PLXDC2: variants seen among roughly 807,000 people sequenced by gnomAD.
PLXDC2 encodes plexin domain containing 2.
In PLXDC2, 40 loss-of-function variants were observed where a neutral mutation model predicts 68.9. The ratio of observed to expected loss-of-function variants is 0.58; its 90% CI spans 0.45 to 0.76. The LOEUF (loss-of-function observed/expected upper bound fraction) is 0.76. PLXDC2 is among the 30% of genes least tolerant of loss of function. The pLI is 0.00. For synonymous variants in PLXDC2, 243 were observed against 234.2 expected, an observed-to-expected ratio of 1.04 and a Z score of -0.34; for missense variants, 644 against 661.9, an observed-to-expected ratio of 0.97 and a Z score of 0.30.
chr10:19,892,292 G>T (rs1027093680), intron 1 of PLXDC2, among the ~76,000 whole-genome samples: 1 of 152,134 alleles, frequency 6.6e-6, no homozygotes, highest in African/African-American at 2.4e-5. Flanking sequence ...AATGTCTGTG[G>T]CATGGTGGAC....
intron 1 of PLXDC2, among the ~76,000 whole-genome samples, chr10:19,818,675 A>G (rs1213989939): frequency 6.6e-6 from 1 of 152,126 alleles, no homozygotes; most frequent in African/African-American, 2.4e-5. Flanking sequence ...ACTGTGTATG[A>G]TTTATGACAG....
intron 1 of PLXDC2, among the ~76,000 whole-genome samples, chr10:19,828,359 T>G (rs905931074): frequency 9.2e-5 from 14 of 152,154 alleles, no homozygotes; most frequent in African/African-American, 3.4e-4. Flanking sequence ...ACAATAGAAT[T>G]TATTATTTTA....
At chr10:20,216,908 A>G (rs1209590855) in intron 10 of PLXDC2, among the ~76,000 whole-genome samples, 2 of 152,136 alleles carry the variant, frequency 1.3e-5, no homozygotes, top group East Asian at 3.8e-4. Context: ...TCATAAAGGA[A>G]AACAAAATTT....
chr10:19,864,377 C>CCT (rs1837375982), intron 1 of PLXDC2, among the ~76,000 whole-genome samples: 2 of 152,126 alleles, frequency 1.3e-5, no homozygotes. Flanking sequence ...CTAAAATAGG[C>CCT]ATCTATCTGG....
At chr10:19,857,177 A>G (rs1337573342) in intron 1 of PLXDC2, among the ~76,000 whole-genome samples, 1 of 152,224 alleles carries the variant, frequency 6.6e-6, no homozygotes, top group African/African-American at 2.4e-5. Context: ...CTAGCAAGTT[A>G]CAGAGCTAGT....
At chr10:20,246,466 C>T (rs999507149) in intron 13 of PLXDC2, among the ~76,000 whole-genome samples, 5 of 152,346 alleles carry the variant, frequency 3.3e-5, no homozygotes, top group Admixed American at 2.0e-4. Flanking sequence ...TTTTGTGCAT[C>T]AGCCTCCTGA....
At chr10:20,208,306 A>C (rs1835020250) in intron 9 of PLXDC2, among the ~76,000 whole-genome samples, 1 of 152,298 alleles carries the variant, frequency 6.6e-6, no homozygotes, top group Admixed American at 6.5e-5. Context: ...CAAAAGACAC[A>C]TCTTACATGG....
intron 1 of PLXDC2, among the ~76,000 whole-genome samples, chr10:19,840,114 C>G (rs1017999364): frequency 1.3e-5 from 2 of 152,108 alleles, no homozygotes; most frequent in Admixed American, 1.3e-4. Flanking sequence ...TTTTTCTTCA[C>G]TAAAATCTAT....
At chr10:19,942,587 A>G (rs1360531912) in intron 1 of PLXDC2, among the ~76,000 whole-genome samples, 1 of 152,120 alleles carries the variant, frequency 6.6e-6, no homozygotes, top group African/African-American at 2.4e-5. Context: ...ACACGGTGAA[A>G]CCCGTCTCGA....
chr10:20,232,714 A>G (rs1835381432), intron 12 of PLXDC2, among the ~76,000 whole-genome samples: 1 of 152,196 alleles, frequency 6.6e-6, no homozygotes, highest in African/African-American at 2.4e-5. Context: ...GTGGTTGCCT[A>G]TGCGGTGTTG....
intron 1 of PLXDC2, among the ~76,000 whole-genome samples, chr10:19,826,879 G>A (rs760043076): frequency 1.6e-4 from 25 of 152,140 alleles, no homozygotes; most frequent in Admixed American, 4.6e-4. Flanking sequence ...ATACTGATGG[G>A]TATGTTGTGA....
intron 1 of PLXDC2, among the ~76,000 whole-genome samples, chr10:19,822,764 C>T (rs937578273): frequency 6.6e-6 from 1 of 152,072 alleles, no homozygotes; most frequent in Admixed American, 6.5e-5. Context: ...GCCTGTTGGC[C>T]ATTTTTTTTG....
chr10:20,036,704 C>A (rs1170321345), intron 2 of PLXDC2, among the ~76,000 whole-genome samples: 1 of 152,048 alleles, frequency 6.6e-6, no homozygotes, highest in African/African-American at 2.4e-5. Flanking sequence ...AATGAACATG[C>A]ATTTTACCCA....
At chr10:19,962,111 G>A (rs943229066) in intron 1 of PLXDC2, among the ~76,000 whole-genome samples, 2 of 152,122 alleles carry the variant, frequency 1.3e-5, no homozygotes, top group Non-Finnish European at 2.9e-5. Flanking sequence ...TTGCCATAAA[G>A]CTAAAATTTA....
At chr10:20,173,901 A>T (rs1834483198) in intron 7 of PLXDC2, among the ~76,000 whole-genome samples, 1 of 152,180 alleles carries the variant, frequency 6.6e-6, no homozygotes, top group Non-Finnish European at 1.5e-5. Context: ...TCAAACAACA[A>T]TAATTCTCAT....
intron 4 of PLXDC2, among the ~76,000 whole-genome samples, chr10:20,121,246 A>C (rs1833692989): frequency 1.3e-5 from 2 of 152,326 alleles, no homozygotes. Context: ...GGGCGGCAGC[A>C]GCCACTGCAC....
intron 2 of PLXDC2, among the ~76,000 whole-genome samples, chr10:20,020,907 A>G (rs1835297314): frequency 6.6e-6 from 1 of 152,216 alleles, no homozygotes; most frequent in Admixed American, 6.5e-5. Flanking sequence ...CATGCCAGAA[A>G]TAAAACCTGG....
In PLXDC2 at chr10:19,994,312, A is replaced by ATTTTTTTTTTTTTTTTTT. The variant is rs869124443; in HGVS notation, c.113-7452_113-7435dup. Among the ~76,000 whole-genome samples the ATTTTTTTTTTTTTTTTTT allele has an allele frequency of 1.7e-3, 59 of 34,320 alleles. 2 individuals carry two copies. Among genetic ancestry groups the ATTTTTTTTTTTTTTTTTT allele is most frequent in the Middle Eastern group, 0.022 (1 of 46 alleles). 22.5% of individuals were successfully genotyped at this position (34,320 alleles called of 152,430 possible). On this transcript the variant is annotated intron_variant, in intron 1 of 13. Transcript: ENST00000377252. ...TCTGACTACTTGGAAACATGATTAAATTTTTTTTTTTTTTTTTTTTTTTTT... is the reference window on the plus strand; with the variant it reads ...TCTGACTACTTGGAAACATGATTAAATTTTTTTTTTTTTTTTTTTTTTTTTTTTTTTTTTTTTTTTTTT...
chr10:20,102,877 G>A (rs1031489445), intron 4 of PLXDC2, among the ~76,000 whole-genome samples: 1 of 152,154 alleles, frequency 6.6e-6, no homozygotes, highest in African/African-American at 2.4e-5. Flanking sequence ...CCAAATTATT[G>A]AGTATAGGCA....
Sources: gnomAD v4.1 joint callset for allele counts (sites outside exome capture counted in the v4.1 genomes callset) on GRCh38, gnomAD v4.1.1 for gene constraint, MANE v1.5 for transcripts, NCBI Gene and HGNC (gene_info 2026-07-23, HGNC 2026-07-21) for gene names.